Variants in EPHB1 observed in about 807,000 individuals in gnomAD.
EPHB1 encodes ephrin type-B receptor 1.
In EPHB1, 30 loss-of-function variants were observed where a neutral mutation model predicts 94.4. That is an observed-to-expected ratio of 0.32 (90% CI 0.24 to 0.43). The LOEUF (loss-of-function observed/expected upper bound fraction) is 0.43. Ranked by LOEUF, EPHB1 falls within the 20% of genes least tolerant of loss-of-function variation. The pLI is 1.00. For synonymous variants in EPHB1, 522 were observed against 489.1 expected (o/e 1.07, Z -0.89); for missense variants, 1,055 against 1,308.3 (o/e 0.81, Z 2.99).
At position 134,895,160 on chromosome 3, in the gene EPHB1, C is replaced by T. The variant is rs150956132; in HGVS notation, c.59-30656C>T. 1.7e-3 allele frequency among the ~76,000 whole-genome samples: 255 copies of T among 152,282 alleles called. 1 individual carries two copies. Among genetic ancestry groups the T allele is most frequent in the African/African-American group, 5.8e-3 (239 of 41,534 alleles). ...ATAGGAGTCTACATTAGGAGAACCC[C>T]AGTGCCCTCTGCTTTTCCCTGCTTC... On this transcript the variant is annotated intron_variant, in intron 1 of 15. Transcript: ENST00000398015.
intron 3 of EPHB1, among the ~76,000 whole-genome samples, chr3:135,051,816 C>G (rs533242492): frequency 2.6e-5 from 4 of 152,294 alleles, no homozygotes; most frequent in African/African-American, 9.6e-5. Context: ...TACCTCATTT[C>G]TCTAAGAGAT....
chr3:135,181,746 A>G (rs1221608517), intron 10 of EPHB1, among the ~76,000 whole-genome samples: 1 of 151,932 alleles, frequency 6.6e-6, no homozygotes, highest in Non-Finnish European at 1.5e-5. Context: ...GATAGTTACA[A>G]TTTGGGGTGA....
rs115076189 is a variant in EPHB1, at chr3:135,230,744, G to A, written c.2347-10404G>A. 5.4e-3 allele frequency among the ~76,000 whole-genome samples: 822 copies of A among 151,992 alleles called. 10 individuals are homozygous for A. Among genetic ancestry groups the A allele is most frequent in the African/African-American group, 0.019 (782 of 41,416 alleles). ...CTCCCTCTCACCTCTAGTAGTCTGC[G>A]GTGTCTGTTGTTCCCATATTTATGT... On this transcript the variant is annotated intron_variant, in intron 12 of 15. Transcript: ENST00000398015.
intron 10 of EPHB1, among the ~76,000 whole-genome samples, chr3:135,186,856 A>G (rs1222320244): frequency 1.3e-5 from 2 of 152,322 alleles, no homozygotes; most frequent in Admixed American, 6.5e-5. Context: ...GATGAAATGC[A>G]TAGGAATTGG....
At chr3:135,141,680 G>A (rs183185629) in intron 5 of EPHB1, among the ~76,000 whole-genome samples, 110 of 152,284 alleles carry the variant, frequency 7.2e-4, no homozygotes, top group Non-Finnish European at 1.3e-3. Flanking sequence ...AGGATTGGGA[G>A]GGCAAGGAAA....
intron 3 of EPHB1, among the ~76,000 whole-genome samples, chr3:135,058,729 T>C (rs970406740): frequency 6.6e-6 from 1 of 152,224 alleles, no homozygotes; most frequent in African/African-American, 2.4e-5. Context: ...AGTCAGAGCA[T>C]CCTCTGCTCC....
chr3:135,166,371 G>T (rs150372023), intron 8 of EPHB1, among the ~76,000 whole-genome samples: 1 of 152,152 alleles, frequency 6.6e-6, no homozygotes. Context: ...TTGCAAAATT[G>T]CATTTGACTC....
intron 3 of EPHB1, among the ~76,000 whole-genome samples, chr3:135,087,835 C>G (rs1243128587): frequency 6.6e-6 from 1 of 152,166 alleles, no homozygotes; most frequent in Non-Finnish European, 1.5e-5. Flanking sequence ...GTGGAAAAAG[C>G]AGCCAATCTC....
intron 12 of EPHB1, among the ~76,000 whole-genome samples, chr3:135,204,881 CTTTTTTTTTTTTT>C (rs71624063): frequency 2.7e-5 from 2 of 73,916 alleles, no homozygotes. Flanking sequence ...AGGTTTTATT[CTTTTTTTTTTTTT>C]TTTTTTTTTT....
chr3:134,995,543 A>G (rs1403165215), intron 3 of EPHB1, among the ~76,000 whole-genome samples: 2 of 152,202 alleles, frequency 1.3e-5, no homozygotes, highest in Admixed American at 6.5e-5. Context: ...GTTTAACATC[A>G]TTAGCCATTA....
intron 5 of EPHB1, among the ~76,000 whole-genome samples, chr3:135,149,140 G>A (rs1295370660): frequency 1.3e-5 from 2 of 152,150 alleles, no homozygotes; most frequent in East Asian, 1.9e-4. Context: ...ACTTCATCAG[G>A]TTCTTTCCAA....
chr3:135,067,185 G>A (rs971240957), intron 3 of EPHB1, among the ~76,000 whole-genome samples: 1 of 152,160 alleles, frequency 6.6e-6, no homozygotes, highest in African/African-American at 2.4e-5. Context: ...AGGAGGTGGT[G>A]CTTTCAAGAG....
intron 12 of EPHB1, among the ~76,000 whole-genome samples, chr3:135,231,307 TAA>T (rs1404925461): frequency 6.6e-6 from 1 of 152,158 alleles, no homozygotes; most frequent in Non-Finnish European, 1.5e-5. Flanking sequence ...GTGTGGATAG[TAA>T]AAGAGAGCTG....
chr3:135,115,575 T>C (rs1379288418), intron 4 of EPHB1, among the ~76,000 whole-genome samples: 3 of 152,154 alleles, frequency 2.0e-5, no homozygotes, highest in East Asian at 1.9e-4. Flanking sequence ...GATTTGATTT[T>C]TTTTTTCTTT....
At chr3:135,039,032 C>G (rs987950966) in intron 3 of EPHB1, among the ~76,000 whole-genome samples, 3 of 152,042 alleles carry the variant, frequency 2.0e-5, no homozygotes, top group Admixed American at 1.3e-4. Flanking sequence ...TACAGAGTTT[C>G]GACACACAGG....
intron 12 of EPHB1, among the ~76,000 whole-genome samples, chr3:135,228,035 T>A (rs1172416615): frequency 3.3e-5 from 5 of 152,204 alleles, no homozygotes; most frequent in Admixed American, 2.6e-4. Context: ...AGTTATCAAC[T>A]TTAGTAATTT....
chr3:135,205,754 C>T (rs1282611566), intron 12 of EPHB1, among the ~76,000 whole-genome samples: 1 of 152,090 alleles, frequency 6.6e-6, no homozygotes, highest in African/African-American at 2.4e-5. Context: ...TCCCTCTGCC[C>T]ATCCATCACA....
intron 5 of EPHB1, among the ~76,000 whole-genome samples, chr3:135,145,043 C>T (rs766683386): frequency 6.6e-6 from 1 of 152,198 alleles, no homozygotes; most frequent in Non-Finnish European, 1.5e-5. Flanking sequence ...GTTTAATCTA[C>T]TTTGACCAGA....
chr3:135,005,751 T>C (rs1935381528), intron 3 of EPHB1, among the ~76,000 whole-genome samples: 1 of 152,166 alleles, frequency 6.6e-6, no homozygotes, highest in African/African-American at 2.4e-5. Context: ...CTTTCTTTGA[T>C]TAGGAAAGGG....
Sources: gnomAD v4.1 joint callset for allele counts (sites outside exome capture counted in the v4.1 genomes callset) on GRCh38, gnomAD v4.1.1 for gene constraint, MANE v1.5 for transcripts, NCBI Gene and HGNC (gene_info 2026-07-23, HGNC 2026-07-21) for gene names.